The following NRXN1 variants were observed in gnomAD, a reference collection of about 807,000 sequenced individuals.
The protein encoded by NRXN1 is neurexin-1.
In NRXN1, 39 loss-of-function variants were observed where a neutral mutation model predicts 150.9. The observed-to-expected ratio is 0.26, with a 90% CI of 0.20 to 0.34. The LOEUF (loss-of-function observed/expected upper bound fraction) is 0.34, where lower values mean the gene tolerates loss of function less well. NRXN1 is among the 10% of genes least tolerant of loss of function. NRXN1 has a pLI of 1.00. For synonymous variants in NRXN1, 924 were observed against 757.0 expected (o/e 1.22, Z -3.62); for missense variants, 1,815 against 1,949.9 (o/e 0.93, Z 1.30).
At chr2:49,968,047 T>C (rs1173667727) in intron 21 of NRXN1, among the ~76,000 whole-genome samples, 1 of 151,900 alleles carries the variant, frequency 6.6e-6, no homozygotes, top group African/African-American at 2.4e-5. Context: ...TTTACATAAT[T>C]ATTATTACTT....
At chr2:50,478,334 A>G (rs2090158667) in intron 15 of NRXN1, among the ~76,000 whole-genome samples, 1 of 152,198 alleles carries the variant, frequency 6.6e-6, no homozygotes, top group African/African-American at 2.4e-5. Context: ...AAACAAATAT[A>G]AACTTCTATA....
chr2:50,921,774 A>G (rs1347673625), intron 5 of NRXN1, 95 bp downstream of exon 5: 2 of 504,122 alleles, frequency 4.0e-6, no homozygotes, highest in African/African-American at 2.0e-5. Context: ...CCCAGTGCCC[A>G]TTACCAATGC....
chr2:50,787,705 C>T (rs1705329041), intron 5 of NRXN1, among the ~76,000 whole-genome samples: 1 of 137,272 alleles, frequency 7.3e-6, no homozygotes, highest in African/African-American at 3.1e-5. Context: ...AAATATGAAA[C>T]ATGTATTAAA....
intron 19 of NRXN1, among the ~76,000 whole-genome samples, chr2:50,074,514 T>A (rs1276517388): frequency 1.3e-5 from 2 of 152,142 alleles, no homozygotes; most frequent in African/African-American, 4.8e-5. Context: ...ATATGTAATG[T>A]CTGTAAAGTT....
chr2:50,345,304 G>GT (rs1262783252), intron 17 of NRXN1, among the ~76,000 whole-genome samples: 2 of 152,088 alleles, frequency 1.3e-5, no homozygotes, highest in African/African-American at 4.8e-5. Flanking sequence ...TTATGCTATA[G>GT]TTTTTCATAT....
chr2:50,213,542 T>G (rs1042322073), intron 18 of NRXN1, among the ~76,000 whole-genome samples: 4 of 151,892 alleles, frequency 2.6e-5, no homozygotes, highest in Non-Finnish European at 5.9e-5. Flanking sequence ...GTTTCGTTAG[T>G]CCAGGCAGCC....
chr2:50,121,995 T>C (rs942647299), intron 18 of NRXN1, among the ~76,000 whole-genome samples: 2 of 152,172 alleles, frequency 1.3e-5, no homozygotes, highest in Non-Finnish European at 2.9e-5. Context: ...TGTACAAAAA[T>C]ATATTTCAAG....
At chr2:50,495,122 T>C (rs2091491959) in intron 15 of NRXN1, among the ~76,000 whole-genome samples, 1 of 151,986 alleles carries the variant, frequency 6.6e-6, no homozygotes, top group Non-Finnish European at 1.5e-5. Flanking sequence ...AACAGGCTAA[T>C]AATACTTTCT....
At chr2:50,846,439 C>A (rs892401601) in intron 5 of NRXN1, among the ~76,000 whole-genome samples, 1 of 151,390 alleles carries the variant, frequency 6.6e-6, no homozygotes, top group East Asian at 1.9e-4. Context: ...TTTTTTCTTG[C>A]TTTTAAGATG....
intron 5 of NRXN1, among the ~76,000 whole-genome samples, chr2:50,890,071 A>T (rs1248287591): frequency 6.6e-6 from 1 of 151,790 alleles, no homozygotes; most frequent in African/African-American, 2.4e-5. Flanking sequence ...TTCCTTTAAT[A>T]TAGAGGCTTA....
intron 5 of NRXN1, among the ~76,000 whole-genome samples, chr2:50,755,895 T>A (rs1222108859): frequency 1.3e-5 from 2 of 151,868 alleles, no homozygotes; most frequent in African/African-American, 4.8e-5. Flanking sequence ...TCCTTCACTT[T>A]AATCTACTGC....
chr2:50,545,946 A>G (rs2093483374), intron 9 of NRXN1, among the ~76,000 whole-genome samples: 1 of 152,172 alleles, frequency 6.6e-6, no homozygotes, highest in Non-Finnish European at 1.5e-5. Flanking sequence ...ATTATACTGC[A>G]TTGTTTAAGA....
chr2:49,993,575 C>T (rs1682392046), intron 21 of NRXN1, among the ~76,000 whole-genome samples: 1 of 152,090 alleles, frequency 6.6e-6, no homozygotes, highest in South Asian at 2.1e-4. Flanking sequence ...AATGCAGGCT[C>T]ACCAATTGTA....
intron 8 of NRXN1, among the ~76,000 whole-genome samples, chr2:50,617,923 T>G (rs1415287117): frequency 6.6e-6 from 1 of 152,206 alleles, no homozygotes; most frequent in Non-Finnish European, 1.5e-5. Context: ...AGAAAAAAAC[T>G]GCCTCACTTA....
rs11427672 is a variant in NRXN1, at chr2:50,190,613, C to CTT, written c.3546+46174_3546+46175dup. On this transcript the variant is annotated intron_variant, in intron 18 of 22. Coordinates refer to ENST00000401669, the MANE Select transcript of NRXN1 (RefSeq NM_001330078.2). ...TATCACACCTTCTAACTTTTTTTTT[C>CTT]TTTTTTTTTTTTTTTTGAGACAGAG... 5.0e-3 allele frequency among the ~76,000 whole-genome samples: 662 copies of CTT among 132,460 alleles called. 7 individuals are homozygous for CTT. The highest frequency in any genetic ancestry group is 9.9e-3 in the African/African-American group (354 of 35,642). 86.9% of individuals were successfully genotyped at this position (132,460 alleles called of 152,430 possible).
At chr2:50,184,873 A>T (rs1438587389) in intron 18 of NRXN1, among the ~76,000 whole-genome samples, 2 of 152,122 alleles carry the variant, frequency 1.3e-5, no homozygotes, top group Non-Finnish European at 2.9e-5. Context: ...TCATGCAGGG[A>T]TTAAGTAATT....
At chr2:50,818,268 T>C (rs1199104742) in intron 5 of NRXN1, among the ~76,000 whole-genome samples, 6 of 151,784 alleles carry the variant, frequency 4.0e-5, no homozygotes, top group African/African-American at 7.3e-5. Flanking sequence ...TTGCTTTAGA[T>C]AGTTTGGACA....
At chr2:50,095,194 T>A (rs17039807) in intron 18 of NRXN1, among the ~76,000 whole-genome samples, 6 of 152,074 alleles carry the variant, frequency 3.9e-5, no homozygotes, top group Admixed American at 3.9e-4. Flanking sequence ...CTGATTTTAC[T>A]TTTTATGTCT....
At chr2:50,356,502 T>C (rs2078826043) in intron 17 of NRXN1, among the ~76,000 whole-genome samples, 1 of 152,222 alleles carries the variant, frequency 6.6e-6, no homozygotes, top group African/African-American at 2.4e-5. Flanking sequence ...TATTTTCCTT[T>C]TGTAAAAGAA....
Sources: gnomAD v4.1 joint callset for allele counts (sites outside exome capture counted in the v4.1 genomes callset) on GRCh38, gnomAD v4.1.1 for gene constraint, MANE v1.5 for transcripts, NCBI Gene and HGNC (gene_info 2026-07-23, HGNC 2026-07-21) for gene names.